Variants in AGBL1 observed in about 807,000 individuals in gnomAD.
AGBL1 encodes AGBL carboxypeptidase 1.
A neutral mutation model predicts 118.9 loss-of-function variants in AGBL1; 130 were observed. That is an observed-to-expected ratio of 1.09 (90% CI 0.95 to 1.26). The LOEUF (loss-of-function observed/expected upper bound fraction) is 1.26, where lower values mean the gene tolerates loss of function less well. Ranked by LOEUF, AGBL1 falls within the 50% of genes most tolerant of loss-of-function variation. AGBL1 has a pLI of 0.00. For missense variants in AGBL1, 1,584 were observed against 1,298.1 expected (o/e 1.22, Z -3.38); for synonymous variants, 555 against 478.9 (o/e 1.16, Z -2.08).
intron 1 of AGBL1, among the ~76,000 whole-genome samples, chr15:86,141,554 G>T (rs1262161341): frequency 2.6e-5 from 4 of 152,180 alleles, no homozygotes; most frequent in Non-Finnish European, 4.4e-5. Context: ...GGCAGGCTGA[G>T]GCAGAAGAAC....
At chr15:86,094,448 C>T (rs1232298147) in intron 1 of AGBL1, among the ~76,000 whole-genome samples, 2 of 152,054 alleles carry the variant, frequency 1.3e-5, no homozygotes, top group Non-Finnish European at 2.9e-5. Context: ...TTTGTAGCTT[C>T]CCTGGGAAGC....
intron 21 of AGBL1, among the ~76,000 whole-genome samples, chr15:86,558,260 G>A (rs1242772525): frequency 6.6e-6 from 1 of 152,174 alleles, no homozygotes; most frequent in Non-Finnish European, 1.5e-5. Flanking sequence ...GTTCACAGCT[G>A]TGTCTATAAC....
At chr15:86,257,420 A>G (rs748835901) in intron 8 of AGBL1, among the ~76,000 whole-genome samples, 20 of 152,216 alleles carry the variant, frequency 1.3e-4, no homozygotes, top group Non-Finnish European at 2.4e-4. Flanking sequence ...GGCTAGTCAT[A>G]TTGGAATATT....
chr15:86,749,328 T>C (rs566554364), intron 22 of AGBL1, among the ~76,000 whole-genome samples: 1 of 152,272 alleles, frequency 6.6e-6, no homozygotes, highest in African/African-American at 2.4e-5. Context: ...TATTGGCGTA[T>C]AAGAATGCTG....
chr15:86,294,063 C>T (rs192551768), intron 16 of AGBL1, among the ~76,000 whole-genome samples: 1 of 151,992 alleles, frequency 6.6e-6, no homozygotes, highest in Admixed American at 6.6e-5. Context: ...GACTGGTGCC[C>T]CTGTTTTGAT....
chr15:86,278,697 G>A (rs1353850714), intron 15 of AGBL1, among the ~76,000 whole-genome samples: 1 of 152,112 alleles, frequency 6.6e-6, no homozygotes, highest in African/African-American at 2.4e-5. Context: ...AATGTTCAAA[G>A]GTGGAATTAC....
chr15:86,207,004 G>A (rs1381746053), intron 5 of AGBL1, among the ~76,000 whole-genome samples: 1 of 152,172 alleles, frequency 6.6e-6, no homozygotes. Flanking sequence ...ATAGGGAAGG[G>A]ATCCAGTTTC....
At chr15:86,931,566 TTGCTGCTGC>T (rs59067780) in intron 23 of AGBL1, among the ~76,000 whole-genome samples, 5,412 of 150,482 alleles carry the variant, frequency 0.036, 233 homozygotes, top group African/African-American at 0.1. Context: ...AGTGGTGCTT[TTGCTGCTGC>T]TGCTGCTGCT....
chr15:86,491,430 C>A (rs575818860), intron 18 of AGBL1, among the ~76,000 whole-genome samples: 1 of 152,080 alleles, frequency 6.6e-6, no homozygotes, highest in Non-Finnish European at 1.5e-5. Context: ...CTGACTCTAT[C>A]CAGAGAGCTC....
chr15:86,647,679 T>TG (rs2085306978), intron 21 of AGBL1, among the ~76,000 whole-genome samples: 1 of 152,254 alleles, frequency 6.6e-6, no homozygotes, highest in Admixed American at 6.5e-5. Context: ...CCAGCCTGGG[T>TG]GACAGAGCAA....
At chr15:86,943,289 G>C (rs1231427168) in intron 23 of AGBL1, among the ~76,000 whole-genome samples, 1 of 152,176 alleles carries the variant, frequency 6.6e-6, no homozygotes, top group African/African-American at 2.4e-5. Flanking sequence ...TGGAAACTTT[G>C]TGTGGACTTT....
chr15:86,878,690 C>T (rs1377241884), intron 22 of AGBL1, among the ~76,000 whole-genome samples: 1 of 151,972 alleles, frequency 6.6e-6, no homozygotes, highest in Non-Finnish European at 1.5e-5. Context: ...CCTTAAGGCT[C>T]TGTTTCTGAG....
At chr15:86,141,766 G>A (rs1242272320) in intron 1 of AGBL1, among the ~76,000 whole-genome samples, 1 of 152,124 alleles carries the variant, frequency 6.6e-6, no homozygotes, top group Non-Finnish European at 1.5e-5. Context: ...TTATTCTTTT[G>A]TTCATCTTGC....
At chr15:86,133,721 G>T (rs1339712891) in intron 1 of AGBL1, among the ~76,000 whole-genome samples, 5 of 152,206 alleles carry the variant, frequency 3.3e-5, no homozygotes, top group Admixed American at 6.5e-5. Context: ...GACTCAATGT[G>T]TGGTTGGGAC....
In AGBL1 at chr15:86,172,599, TG is replaced by T. The variant is rs529596255; in HGVS notation, c.488+13575del. Among the ~76,000 whole-genome samples the T allele has an allele frequency of 2.7e-3, 405 of 152,202 alleles. 4 individuals carry two copies. Among genetic ancestry groups the T allele is most frequent in the Non-Finnish European group, 4.2e-3 (283 of 67,996 alleles). On this transcript the variant is annotated intron_variant, in intron 5 of 22. Transcript: ENST00000614907. ...GACATGTGACTGAGAAAAATGTGAG[TG>T]GTAGTTGTCTGTGTCTCGCTTATTT...
chr15:86,388,578 G>A (rs1197652467), intron 17 of AGBL1, among the ~76,000 whole-genome samples: 5 of 152,120 alleles, frequency 3.3e-5, no homozygotes, highest in African/African-American at 1.2e-4. Context: ...GAGGCAGAAC[G>A]AGATCTCAAA....
intron 22 of AGBL1, among the ~76,000 whole-genome samples, chr15:86,795,192 G>A (rs538235504): frequency 2.0e-5 from 3 of 152,258 alleles, no homozygotes; most frequent in South Asian, 4.1e-4. Flanking sequence ...TTGCCAGATC[G>A]TCAATTTCCA....
intron 22 of AGBL1, among the ~76,000 whole-genome samples, chr15:86,679,193 T>G (rs988028759): frequency 1.3e-5 from 2 of 152,118 alleles, no homozygotes; most frequent in African/African-American, 4.8e-5. Flanking sequence ...CTATGTTACT[T>G]TTATAAAATC....
At chr15:86,190,876 G>A (rs1430110114) in intron 5 of AGBL1, among the ~76,000 whole-genome samples, 1 of 152,162 alleles carries the variant, frequency 6.6e-6, no homozygotes, top group African/African-American at 2.4e-5. Context: ...CAAAAGACAT[G>A]AATAATTTAA....
Sources: allele counts gnomAD v4.1 joint callset (sites outside exome capture counted in the v4.1 genomes callset), GRCh38; gene constraint gnomAD v4.1.1; transcripts MANE v1.5; gene names NCBI Gene and HGNC (gene_info 2026-07-23, HGNC 2026-07-21).